Variants in TXNRD2 observed in about 807,000 individuals in gnomAD.
TXNRD2 encodes thioredoxin reductase 2.
A neutral mutation model predicts 70.8 loss-of-function variants in TXNRD2; 67 were observed. The ratio of observed to expected loss-of-function variants is 0.95; its 90% confidence interval spans 0.78 to 1.16. TXNRD2 has a LOEUF of 1.16. Among genes scored for constraint, TXNRD2 ranks in the 50% most tolerant of loss-of-function variants. The pLI, the probability that TXNRD2 is intolerant of heterozygous loss-of-function variation, is 0.00. For missense variants in TXNRD2, 644 were observed against 719.9 expected (o/e 0.89, Z 1.21); for synonymous variants, 301 against 295.8 (o/e 1.02, Z -0.18).
At chr22:19,924,169 T>G (rs1300149613) in intron 2 of TXNRD2, among the ~76,000 whole-genome samples, 1 of 151,878 alleles carries the variant, frequency 6.6e-6, no homozygotes, top group South Asian at 2.1e-4. Flanking sequence ...CAGCCCTCAG[T>G]GGTTTTGATG....
intron 2 of TXNRD2, among the ~76,000 whole-genome samples, chr22:19,923,844 CTTTTT>C (rs34120716): frequency 3.7e-4 from 29 of 78,110 alleles, no homozygotes; most frequent in African/African-American, 1.5e-3. Flanking sequence ...ACCCCTGAGG[CTTTTT>C]TTTTTTTTTT....
chr22:19,916,219 T>C (rs1569099444), intron 5 of TXNRD2: 2 of 302,206 alleles, frequency 6.6e-6, no homozygotes, highest in Non-Finnish European at 1.3e-5. Flanking sequence ...CACCAGATGG[T>C]GTCACCTTCT....
At chr22:19,878,731 A>C (rs1451165592) in intron 14 of TXNRD2, among the ~76,000 whole-genome samples, 2 of 152,200 alleles carry the variant, frequency 1.3e-5, no homozygotes, top group Admixed American at 1.3e-4. Flanking sequence ...CAGGCAATCC[A>C]AGCAGCCAGG....
intron 2 of TXNRD2, among the ~76,000 whole-genome samples, chr22:19,928,502 G>A (rs915005546): frequency 6.6e-6 from 1 of 152,148 alleles, no homozygotes; most frequent in African/African-American, 2.4e-5. Flanking sequence ...CCGTTTATAC[G>A]CAATTATAGA....
chr22:19,900,460 T>C (rs1159017478), intron 8 of TXNRD2, among the ~76,000 whole-genome samples: 1 of 152,160 alleles, frequency 6.6e-6, no homozygotes, highest in African/African-American at 2.4e-5. Context: ...GTTTAAGATA[T>C]GAAGTTATGG....
chr22:19,895,487 C>A lies in TXNRD2; in HGVS notation c.869G>T (p.Gly290Val), dbSNP rs543290126. 2.5e-5 allele frequency: 40 copies of A among 1,613,970 alleles called. No individual in the cohort carries two copies. In the East Asian group the frequency reaches 8.5e-4, roughly 34 times the overall value. The change falls in exon 11 of 18, where the codon GGC becomes GTC. Residue 290 changes from glycine (G) to valine (V), a missense_variant. Physicochemically the swap from Gly to Val is moderately radical, Grantham distance 109. Coordinates refer to ENST00000400521, the MANE Select transcript of TXNRD2 (RefSeq NM_006440.5). The part of the protein sequence containing the change: ...APSRVRRLPD[G>V]QLQVTWEDST... ...GTCCTCCCAGGTGACCTGCAGCTGGCCATCAGGGAGCCTCCTGACCCGCGA... is the reference window on the plus strand; with the variant it reads ...GTCCTCCCAGGTGACCTGCAGCTGGACATCAGGGAGCCTCCTGACCCGCGA...
intron 12 of TXNRD2, among the ~76,000 whole-genome samples, chr22:19,881,560 T>C (rs907695203): frequency 7.9e-5 from 12 of 152,262 alleles, no homozygotes; most frequent in African/African-American, 2.4e-4. Flanking sequence ...AAATAAAGAA[T>C]GCCTTTGTGT....
At chr22:19,887,794 A>C (rs953530400) in intron 11 of TXNRD2, 1 of 152,316 alleles carries the variant, frequency 6.6e-6, no homozygotes, top group African/African-American at 2.4e-5. Flanking sequence ...TCCTGAAGGC[A>C]GGCCATGCCC....
At position 19,932,256 on chromosome 22, in the gene TXNRD2, C is replaced by T. The variant is rs1319593434; in HGVS notation, c.104-1158G>A. On this transcript the variant is annotated intron_variant, in intron 1 of 17. Coordinates refer to ENST00000400521, the MANE Select transcript of TXNRD2 (RefSeq NM_006440.5). The stretch of plus-strand genomic sequence containing the variant: ...GCCAGGGTCTTGGTGTGCCCAGCTG[C>T]AGTCAGCTAGGAGGGAAGCCACCCT... 1.9e-6 allele frequency: 3 copies of T among 1,601,568 alleles called. No homozygotes were observed. In the East Asian group the frequency reaches 6.7e-5, roughly 36 times the overall value.
intron 1 of TXNRD2, among the ~76,000 whole-genome samples, chr22:19,932,914 T>C (rs113571049): frequency 6.6e-6 from 1 of 152,198 alleles, no homozygotes; most frequent in South Asian, 2.1e-4. Flanking sequence ...CAGGCAAGGC[T>C]GCAGAGAGTG....
chr22:19,898,484 C>T (rs901997573), intron 9 of TXNRD2, among the ~76,000 whole-genome samples: 8 of 150,230 alleles, frequency 5.3e-5, no homozygotes, highest in Non-Finnish European at 8.8e-5. Flanking sequence ...TTTCTTCCAC[C>T]TGTGCTCTCA....
rs537650698 is a variant in TXNRD2 at position 19,878,488 on chromosome 22, T to C, written c.1276-51A>G. On this transcript the variant is annotated intron_variant, in intron 14 of 17. Coordinates refer to ENST00000400521, the MANE Select transcript of TXNRD2 (RefSeq NM_006440.5). ...TCAGTGCTGCGACAAACAAACCTCG[T>C]GGCACCTGCAGCTCCCACAGGCTGC... 2.6e-6 allele frequency: 4 copies of C among 1,532,608 alleles called. No individual in the cohort carries two copies. The African/African-American group carries it at 4.1e-5, about 16-fold the overall frequency. The allele number at this position is 1,532,608 out of a possible 1,614,324, so 94.9% of individuals were successfully genotyped here.
Position 19,918,938 on chromosome 22 carries a change from T to C in TXNRD2, c.296A>G (p.Gln99Arg). The C allele has an allele frequency of 2.5e-6, 4 of 1,613,096 alleles. No homozygotes were observed. The highest frequency in any genetic ancestry group is 3.4e-6 in the Non-Finnish European group (4 of 1,179,978). The stretch of plus-strand genomic sequence containing the variant: ...GATCAGGCCTCCCAGCAGTGCCGCC[T>C]GGTGCATCAGCTTCTTGGGGATGCA... ...VGCIPKKLMH[Q>R]AALLGGLIQD... Residue 99 changes from glutamine (Q) to arginine (R), a missense_variant, in exon 4 of 18, where the codon CAG (glutamine) becomes CGG (arginine). Around this residue, in one of 3 missense-constraint regions of TXNRD2, gnomAD observed 566 missense variants for 645.0 expected, o/e 0.88. Transcript: ENST00000400521.
In TXNRD2 at chr22:19,888,333, C is replaced by T. The variant is rs548172650; in HGVS notation, c.950-4872G>A. On this transcript the variant is annotated intron_variant, in intron 11 of 17. Transcript: ENST00000400521. ...CAGCCAGCCTGGCCCCAAGGAGGGA[C>T]CAGAGAAGGCTGAAGCCCAAAAACC... is the stretch of plus-strand genomic sequence containing the variant. Among the ~76,000 whole-genome samples the T allele has an allele frequency of 2.6e-5, 4 of 152,276 alleles. No individual in the cohort carries two copies. In the South Asian group the frequency reaches 8.3e-4, roughly 32 times the overall value.
chr22:19,909,837 ACC>A (rs1491251763), intron 8 of TXNRD2, among the ~76,000 whole-genome samples: 18 of 80,678 alleles, frequency 2.2e-4, no homozygotes, highest in African/African-American at 8.0e-4. Flanking sequence ...CACCACACAC[ACC>A]CACACCCTTC....
chr22:19,898,136 G>A lies in TXNRD2; in HGVS notation c.683-6C>T, dbSNP rs757160421. 142 of 1,557,116 alleles carry A rather than the reference G, an allele frequency of 9.1e-5. 1 individual carries two copies. The Admixed American group carries it at 1.1e-3, about 12-fold the overall frequency. ...AGCACACTCCAGGGCCACATCTGTGGGGTGCCAGCTAAGGAGCACTGTAGA... is the reference window on the plus strand; with the variant it reads ...AGCACACTCCAGGGCCACATCTGTGAGGTGCCAGCTAAGGAGCACTGTAGA... On this transcript the variant is annotated splice_polypyrimidine_tract_variant and splice_region_variant and intron_variant, in intron 9 of 17. Coordinates refer to ENST00000400521, the MANE Select transcript of TXNRD2 (RefSeq NM_006440.5).
At chr22:19,941,423 G>C (rs45559342) in intron 1 of TXNRD2, among the ~76,000 whole-genome samples, 2 of 152,134 alleles carry the variant, frequency 1.3e-5, no homozygotes, top group Admixed American at 1.3e-4. Context: ...AACTGTAGTT[G>C]TTACTGGGAT....
In TXNRD2 at chr22:19,931,027, TA is replaced by T; in HGVS notation, c.172+2del. 6.2e-7 allele frequency: 1 copy of T among 1,612,352 alleles called. No individual in the cohort carries two copies. The highest frequency in any genetic ancestry group is 1.3e-5 in the African/African-American group (1 of 74,986). On this transcript the variant is annotated splice_donor_variant, in intron 2 of 17. Transcript: ENST00000400521. LOFTEE classifies it high-confidence loss of function. ...CTTGCCACGAAGTATACAGAATACA[TA>T]CCCTCCTTGGCACAAGCCAGGCCAC...
chr22:19,898,228 C>G, intron 9 of TXNRD2, 98 bp from the exon 10 acceptor site: 4 of 1,145,664 alleles, frequency 3.5e-6, no homozygotes, highest in Non-Finnish European at 5.1e-6. Context: ...CCCACCCATC[C>G]ATGGCTGGCC....
Sources: allele counts gnomAD v4.1 joint callset (sites outside exome capture counted in the v4.1 genomes callset), GRCh38; gene constraint gnomAD v4.1.1; regional missense constraint gnomAD v4.1.1; transcripts MANE v1.5; gene names NCBI Gene and HGNC (gene_info 2026-07-23, HGNC 2026-07-21).